DLGAP5: variants seen among roughly 807,000 people sequenced by gnomAD.
The protein encoded by DLGAP5 is DLG associated protein 5.
In DLGAP5, 90 loss-of-function variants were observed where a neutral mutation model predicts 99.6. That is an observed-to-expected ratio of 0.90 (90% CI 0.76 to 1.08). The LOEUF (loss-of-function observed/expected upper bound fraction) is 1.08. DLGAP5 is among the 50% of genes least tolerant of loss of function. The probability of loss-of-function intolerance (pLI) is 0.00; values close to 1 mark genes in which losing one functional copy is unlikely to be tolerated. For synonymous variants in DLGAP5, 311 were observed against 321.3 expected (o/e 0.97, Z 0.34); for missense variants, 1,036 against 983.5 (o/e 1.05, Z -0.71).
intron 12 of DLGAP5, among the ~76,000 whole-genome samples, chr14:55,165,515 C>A (rs988081472): frequency 6.6e-6 from 1 of 151,656 alleles, no homozygotes; most frequent in Non-Finnish European, 1.5e-5. Context: ...CAGAGCGAGA[C>A]CCTGACTTAA....
At chr14:55,170,954 T>C (rs1306141757) in intron 10 of DLGAP5, among the ~76,000 whole-genome samples, 167 bp from the exon 11 acceptor site, 2 of 152,234 alleles carry the variant, frequency 1.3e-5, no homozygotes, top group Non-Finnish European at 2.9e-5. Context: ...TTAAAATCCA[T>C]AAATACAAGT....
At chr14:55,158,445 G>T in intron 14 of DLGAP5, 77 bp downstream of exon 14, 3 of 1,220,154 alleles carry the variant, frequency 2.5e-6, no homozygotes, top group Non-Finnish European at 3.4e-6. Context: ...CCTTACACAA[G>T]CCCCCATCTA....
chr14:55,159,956 A>C (rs1342055695), intron 13 of DLGAP5, among the ~76,000 whole-genome samples: 2 of 152,222 alleles, frequency 1.3e-5, no homozygotes, highest in African/African-American at 4.8e-5. Context: ...TAATCCCCGC[A>C]CTTTGGGAGG....
intron 13 of DLGAP5, among the ~76,000 whole-genome samples, chr14:55,161,072 G>A (rs1292267149): frequency 6.6e-6 from 1 of 152,166 alleles, no homozygotes; most frequent in African/African-American, 2.4e-5. Context: ...CTGATGGAAT[G>A]AGGGATTAAT....
chr14:55,183,447 C>T (rs917888087), intron 3 of DLGAP5, 113 bp downstream of exon 3: 37 of 882,664 alleles, frequency 4.2e-5, no homozygotes, highest in Middle Eastern at 7.0e-4. Flanking sequence ...TCATTCCCAC[C>T]TTCTACCAAC....
intron 2 of DLGAP5, among the ~76,000 whole-genome samples, chr14:55,185,521 C>T (rs1214921916): frequency 6.6e-6 from 1 of 152,054 alleles, no homozygotes; most frequent in Non-Finnish European, 1.5e-5. Flanking sequence ...GAGTCTCACT[C>T]TGTCGCCCAG....
At chr14:55,182,776 G>C (rs562395642) in intron 3 of DLGAP5, among the ~76,000 whole-genome samples, 1 of 152,110 alleles carries the variant, frequency 6.6e-6, no homozygotes, top group South Asian at 2.1e-4. Context: ...GTGCTCTCTA[G>C]AGCCCACTTT....
chr14:55,156,352 C>T (rs1882216764), intron 14 of DLGAP5, among the ~76,000 whole-genome samples: 1 of 152,112 alleles, frequency 6.6e-6, no homozygotes, highest in South Asian at 2.1e-4. Flanking sequence ...AGTTGAGAGA[C>T]AGGGTACTAC....
chr14:55,167,994 T>C (rs1882705870), intron 12 of DLGAP5, among the ~76,000 whole-genome samples: 1 of 152,184 alleles, frequency 6.6e-6, no homozygotes, highest in African/African-American at 2.4e-5. Context: ...CCAATTTTTT[T>C]TTCTGTTCTC....
At chr14:55,172,224 C>T (rs1882884784) in intron 10 of DLGAP5, among the ~76,000 whole-genome samples, 1 of 150,574 alleles carries the variant, frequency 6.6e-6, no homozygotes, top group Non-Finnish European at 1.5e-5. Flanking sequence ...TGGCTCATGC[C>T]TGTAATTCCA....
Position 55,148,605 on chromosome 14 carries a change from G to A in DLGAP5, c.2419-132C>T, listed in dbSNP as rs773022010. On this transcript the variant is annotated intron_variant, in intron 18 of 18. Coordinates refer to ENST00000247191, the MANE Select transcript of DLGAP5 (RefSeq NM_014750.5). Reference sequence around the variant, plus strand: ...GCGGTGGTGCACACCTGTAGTCCCAGCTACTCGGGAGGCTGAGGTGGTAGG... The same window carrying A: ...GCGGTGGTGCACACCTGTAGTCCCAACTACTCGGGAGGCTGAGGTGGTAGG... 7 of 1,540,048 alleles carry A rather than the reference G, an allele frequency of 4.5e-6. No homozygotes were observed. The East Asian group carries it at 1.7e-4, about 38-fold the overall frequency.
chr14:55,172,981 C>CAA (rs71291818), intron 10 of DLGAP5, among the ~76,000 whole-genome samples: 2,268 of 61,304 alleles, frequency 0.037, 148 homozygotes, highest in African/African-American at 0.087. Context: ...GACTCCGTCT[C>CAA]AAAAAAAAAA....
chr14:55,186,836 C>T (rs1237359476), intron 2 of DLGAP5, among the ~76,000 whole-genome samples: 4 of 152,232 alleles, frequency 2.6e-5, no homozygotes, highest in African/African-American at 9.6e-5. Context: ...CTTTTCTACT[C>T]GGTTTCTAGG....
chr14:55,188,407 A>G (rs190622881), intron 2 of DLGAP5, among the ~76,000 whole-genome samples: 5 of 152,290 alleles, frequency 3.3e-5, no homozygotes, highest in Non-Finnish European at 5.9e-5. Flanking sequence ...CTCTTTTCTT[A>G]CTAATGTTTC....
intron 10 of DLGAP5, among the ~76,000 whole-genome samples, chr14:55,174,173 C>T (rs1203772831): frequency 1.3e-5 from 2 of 152,178 alleles, no homozygotes; most frequent in African/African-American, 4.8e-5. Flanking sequence ...TAACTGGCCC[C>T]CTGGGCGTGG....
At chr14:55,180,022 C>T (rs537044103) in intron 6 of DLGAP5, among the ~76,000 whole-genome samples, 2 of 152,144 alleles carry the variant, frequency 1.3e-5, no homozygotes, top group Admixed American at 1.3e-4. Flanking sequence ...ATACTTGATA[C>T]AAATATCTAA....
At position 55,181,271 on chromosome 14, in the gene DLGAP5, T is replaced by C. The variant is rs1883264619; in HGVS notation, c.522A>G (p.Ala174=). 1 of 1,614,060 alleles carries C rather than the reference T, an allele frequency of 6.2e-7. No homozygotes were observed. Among genetic ancestry groups the C allele is most frequent in the Admixed American group, 1.7e-5 (1 of 60,002 alleles). Residue 174 remains alanine (A), a synonymous_variant, in exon 5 of 19, where the codon GCA becomes GCG. Transcript: ENST00000247191. ...AAGTTTGTCTTGGACCAGGTCGGATTGCTCGAACATCACTCTCGTTATCAA... is the reference window on the plus strand; with the variant it reads ...AAGTTTGTCTTGGACCAGGTCGGATCGCTCGAACATCACTCTCGTTATCAA... ...TKIDNESDVR[A]IRPGPRQTSE...
intron 8 of DLGAP5, among the ~76,000 whole-genome samples, chr14:55,176,772 A>G (rs1257728643): frequency 2.0e-5 from 3 of 151,844 alleles, no homozygotes; most frequent in African/African-American, 7.3e-5. Flanking sequence ...AGGTCAGGAG[A>G]TCGAGACCAT....
intron 10 of DLGAP5, among the ~76,000 whole-genome samples, chr14:55,172,340 C>CA (rs879341861): frequency 2.0e-3 from 197 of 98,224 alleles, no homozygotes; most frequent in Middle Eastern, 6.1e-3. Flanking sequence ...AAAAAAAATA[C>CA]AAAAAAAAAA....
Sources: gnomAD v4.1 joint callset for allele counts (sites outside exome capture counted in the v4.1 genomes callset) on GRCh38, gnomAD v4.1.1 for gene constraint, MANE v1.5 for transcripts, NCBI Gene and HGNC (gene_info 2026-07-23, HGNC 2026-07-21) for gene names.